The following TUSC3 variants were observed in gnomAD, a reference collection of about 807,000 sequenced individuals.
The protein encoded by TUSC3 is tumor suppressor candidate 3.
In TUSC3, 45 loss-of-function variants were observed where a neutral mutation model predicts 44.8. The ratio of observed to expected loss-of-function variants is 1.00; its 90% confidence interval spans 0.79 to 1.29. The LOEUF (loss-of-function observed/expected upper bound fraction) is 1.29, where lower values mean the gene tolerates loss of function less well. TUSC3 is among the 50% of genes most tolerant of loss of function. The pLI is 0.00. For synonymous variants in TUSC3, 212 were observed against 152.9 expected (o/e 1.39, Z -2.85); for missense variants, 519 against 437.9 (o/e 1.19, Z -1.65).
intron 2 of TUSC3, among the ~76,000 whole-genome samples, chr8:15,646,416 T>C (rs1434791395): frequency 6.6e-6 from 1 of 152,136 alleles, no homozygotes; most frequent in Admixed American, 6.5e-5. Context: ...GAATAGAGGC[T>C]AGAATCTACA....
intron 1 of TUSC3, among the ~76,000 whole-genome samples, chr8:15,575,834 T>C (rs1265585623): frequency 6.6e-6 from 1 of 152,140 alleles, no homozygotes; most frequent in Non-Finnish European, 1.5e-5. Flanking sequence ...TATCATTTTT[T>C]TGTGGAAATT....
intron 1 of TUSC3, among the ~76,000 whole-genome samples, chr8:15,560,520 C>A (rs968545923): frequency 1.3e-5 from 2 of 150,606 alleles, no homozygotes; most frequent in Non-Finnish European, 3.0e-5. Flanking sequence ...TTGTGGCATT[C>A]TCTGTGTTTC....
At position 15,748,975 on chromosome 8, in the gene TUSC3, AT is replaced by A. The variant is rs560085143; in HGVS notation, c.1028+512del. The A allele has an allele frequency of 6.4e-3, 2,229 of 346,316 alleles. 17 individuals are homozygous for A. The highest frequency in any genetic ancestry group is 8.4e-3 in the Non-Finnish European group (1,506 of 179,718). The allele number at this position is 346,316 out of a possible 1,614,324, so 21.5% of individuals were successfully genotyped here. ...TCATAAGATTTTCACCAACAAATATATTGAAAATTCAAAGGCCGCATTATTA... is the reference window on the plus strand; with the variant it reads ...TCATAAGATTTTCACCAACAAATATATGAAAATTCAAAGGCCGCATTATTA... On this transcript the variant is annotated intron_variant, in intron 9 of 10. Coordinates refer to ENST00000503731, the MANE Select transcript of TUSC3 (RefSeq NM_006765.4).
chr8:15,500,605 C>T (rs1800947388), intron 2 of TUSC3, among the ~76,000 whole-genome samples: 1 of 152,192 alleles, frequency 6.6e-6, no homozygotes, highest in Admixed American at 6.5e-5. Context: ...ATGATGTAGG[C>T]ACCAGTTGAA....
chr8:15,607,807 TTGAC>T (rs1284837829), intron 1 of TUSC3, among the ~76,000 whole-genome samples: 17 of 151,964 alleles, frequency 1.1e-4, no homozygotes, highest in African/African-American at 3.9e-4. Flanking sequence ...TCTGTATTGA[TTGAC>T]TATATGCTAT....
chr8:15,775,933 A>G, the TUSC3 span, among the ~76,000 whole-genome samples: 1 of 151,892 alleles, frequency 6.6e-6, no homozygotes, highest in Non-Finnish European at 1.5e-5. Context: ...ATTCAAACCA[A>G]TGCAGAAAAA....
intron 2 of TUSC3, among the ~76,000 whole-genome samples, chr8:15,639,574 T>C (rs549536413): frequency 7.2e-5 from 11 of 152,336 alleles, no homozygotes; most frequent in Non-Finnish European, 1.0e-4. Context: ...CATTTAAAGA[T>C]AAAACTTTCT....
the TUSC3 span, among the ~76,000 whole-genome samples, chr8:15,811,325 G>A: frequency 6.6e-6 from 1 of 152,148 alleles, no homozygotes; most frequent in African/African-American, 2.4e-5. Context: ...CACATCAAGT[G>A]TCTATAACTA....
chr8:15,611,126 ATTTC>A (rs138206810), intron 1 of TUSC3, among the ~76,000 whole-genome samples: 1,705 of 152,230 alleles, frequency 0.011, 36 homozygotes, highest in African/African-American at 0.04. Context: ...ATTTTACAGT[ATTTC>A]TTTCTTTAAT....
intron 1 of TUSC3, among the ~76,000 whole-genome samples, chr8:15,583,662 G>C (rs879879324): frequency 1.1e-4 from 16 of 152,138 alleles, no homozygotes; most frequent in Non-Finnish European, 1.9e-4. Flanking sequence ...AGGATAGCAA[G>C]CTAATTTGTA....
At chr8:15,439,720 A>G (rs1011355930) in intron 1 of TUSC3, among the ~76,000 whole-genome samples, 3 of 152,176 alleles carry the variant, frequency 2.0e-5, no homozygotes, top group Non-Finnish European at 2.9e-5. Context: ...TTTATTTTTT[A>G]GACATACTGT....
rs547689324 is a variant in TUSC3 at position 15,645,462 on chromosome 8, C to T, written c.309-5235C>T. ...ACATTCATACTTTGTCGAACTGTTC[C>T]AGCTCACTATTATCTCATCCTCTGT... On this transcript the variant is annotated intron_variant, in intron 2 of 10. Coordinates refer to ENST00000503731, the MANE Select transcript of TUSC3 (RefSeq NM_006765.4). Among the ~76,000 whole-genome samples the T allele has an allele frequency of 7.9e-5, 12 of 152,072 alleles. No individual in the cohort carries two copies. The South Asian group carries it at 2.3e-3, about 29-fold the overall frequency.
chr8:15,499,885 TAC>T (rs150887905), intron 2 of TUSC3, among the ~76,000 whole-genome samples: 25 of 151,994 alleles, frequency 1.6e-4, no homozygotes, highest in African/African-American at 6.0e-4. Context: ...CATACATACG[TAC>T]ACACACACAC....
At chr8:15,613,128 CT>C (rs1185277288) in intron 1 of TUSC3, among the ~76,000 whole-genome samples, 3 of 149,452 alleles carry the variant, frequency 2.0e-5, no homozygotes. Flanking sequence ...CACATGGACA[CT>C]TTTTAGTGCT....
At chr8:15,481,814 G>A (rs1450470040) in intron 1 of TUSC3, among the ~76,000 whole-genome samples, 1 of 152,188 alleles carries the variant, frequency 6.6e-6, no homozygotes, top group East Asian at 1.9e-4. Context: ...TGGCCTTGAT[G>A]TTAATGGATG....
chr8:15,814,608 A>G, the TUSC3 span, among the ~76,000 whole-genome samples: 1 of 152,216 alleles, frequency 6.6e-6, no homozygotes. Context: ...TGAAAAATAT[A>G]TATTTATGTT....
intron 2 of TUSC3, among the ~76,000 whole-genome samples, chr8:15,648,680 C>G (rs796625463): frequency 2.4e-5 from 3 of 123,610 alleles, no homozygotes; most frequent in Non-Finnish European, 3.2e-5. Flanking sequence ...GAGCCGAGAT[C>G]GCGCCGTTGC....
intron 2 of TUSC3, among the ~76,000 whole-genome samples, chr8:15,519,912 C>A (rs1585073973): frequency 6.6e-6 from 1 of 152,172 alleles, no homozygotes; most frequent in African/African-American, 2.4e-5. Flanking sequence ...GTCATAGCTA[C>A]TATAACTCTC....
intron 7 of TUSC3, among the ~76,000 whole-genome samples, chr8:15,742,753 G>C (rs551023639): frequency 1.3e-5 from 2 of 152,142 alleles, no homozygotes; most frequent in Non-Finnish European, 2.9e-5. Context: ...TAATCGCTTG[G>C]GCGAAATACA....
Sources: gnomAD v4.1 joint callset for allele counts (sites outside exome capture counted in the v4.1 genomes callset) on GRCh38, gnomAD v4.1.1 for gene constraint, MANE v1.5 for transcripts, NCBI Gene and HGNC (gene_info 2026-07-23, HGNC 2026-07-21) for gene names.